Variants in CDKAL1 observed in about 807,000 individuals in gnomAD.
CDKAL1 encodes CDKAL1 threonylcarbamoyladenosine tRNA methylthiotransferase.
A neutral mutation model predicts 68.2 loss-of-function variants in CDKAL1; 32 were observed. The observed-to-expected ratio is 0.47, with a 90% confidence interval of 0.35 to 0.63. CDKAL1 has a LOEUF of 0.63. Ranked by LOEUF, CDKAL1 falls within the 30% of genes least tolerant of loss-of-function variation. CDKAL1 has a pLI of 0.00. For synonymous variants in CDKAL1, 234 were observed against 244.3 expected, an observed-to-expected ratio of 0.96 and a Z score of 0.39; for missense variants, 606 against 696.7, an observed-to-expected ratio of 0.87 and a Z score of 1.47.
chr6:20,620,030 T>C (rs1767105806), intron 4 of CDKAL1, among the ~76,000 whole-genome samples: 1 of 152,206 alleles, frequency 6.6e-6, no homozygotes, highest in Non-Finnish European at 1.5e-5. Context: ...AGGTAAATTA[T>C]CTGTGCAAGC....
intron 8 of CDKAL1, among the ~76,000 whole-genome samples, chr6:20,841,876 A>C (rs1166556979): frequency 6.6e-6 from 1 of 152,190 alleles, no homozygotes; most frequent in Admixed American, 6.5e-5. Context: ...AACCTGTGCA[A>C]AGATTAGTAG....
chr6:20,558,406 A>G (rs955729678), intron 4 of CDKAL1: 2 of 400,962 alleles, frequency 5.0e-6, no homozygotes, highest in African/African-American at 4.1e-5. Context: ...GGGGTGATAA[A>G]TTAATTTGGA....
chr6:20,905,632 A>G (rs1305640979), intron 9 of CDKAL1, among the ~76,000 whole-genome samples: 1 of 152,188 alleles, frequency 6.6e-6, no homozygotes, highest in Non-Finnish European at 1.5e-5. Context: ...ACCCACATCG[A>G]GACACATTAT....
intron 5 of CDKAL1, among the ~76,000 whole-genome samples, chr6:20,690,435 G>A (rs1223670810): frequency 6.6e-6 from 1 of 151,968 alleles, no homozygotes; most frequent in Non-Finnish European, 1.5e-5. Context: ...AGCATTTTAC[G>A]AACTCCAGAC....
At chr6:20,656,455 C>A (rs1272136177) in intron 5 of CDKAL1, among the ~76,000 whole-genome samples, 6 of 150,910 alleles carry the variant, frequency 4.0e-5, no homozygotes, top group African/African-American at 1.5e-4. Context: ...ATGGTATTCA[C>A]CAGATGCTGT....
At chr6:21,004,322 T>G (rs962322878) in intron 11 of CDKAL1, among the ~76,000 whole-genome samples, 1 of 152,214 alleles carries the variant, frequency 6.6e-6, no homozygotes, top group African/African-American at 2.4e-5. Flanking sequence ...ATTATTCTCT[T>G]CAGTTGTTTG....
At chr6:20,609,552 C>T (rs1197038005) in intron 4 of CDKAL1, among the ~76,000 whole-genome samples, 6 of 151,642 alleles carry the variant, frequency 4.0e-5, no homozygotes, top group African/African-American at 9.7e-5. Flanking sequence ...TGCACCACCA[C>T]GCCCAGCTAA....
chr6:20,956,339 G>A (rs1764775322), intron 10 of CDKAL1, among the ~76,000 whole-genome samples: 1 of 152,154 alleles, frequency 6.6e-6, no homozygotes. Context: ...ATATGTCCAG[G>A]TAACTGTGGT....
At chr6:20,896,103 C>CTTTTCT (rs1554137251) in intron 9 of CDKAL1, among the ~76,000 whole-genome samples, 5 of 90,144 alleles carry the variant, frequency 5.5e-5, no homozygotes, top group Non-Finnish European at 1.1e-4. Context: ...CTTTTCTTTT[C>CTTTTCT]TTTTTTTTTT....
chr6:21,081,437 G>A (rs1406289438), intron 12 of CDKAL1, among the ~76,000 whole-genome samples: 1 of 151,866 alleles, frequency 6.6e-6, no homozygotes, highest in East Asian at 1.9e-4. Flanking sequence ...ATTCTTTTAT[G>A]CCTTTTATAT....
intron 10 of CDKAL1, among the ~76,000 whole-genome samples, chr6:20,989,071 C>T (rs893012179): frequency 2.0e-5 from 3 of 152,028 alleles, no homozygotes; most frequent in Non-Finnish European, 2.9e-5. Flanking sequence ...AGGGGTTATA[C>T]TACTCCCACA....
chr6:21,117,862 T>G (rs1774495627), intron 13 of CDKAL1, among the ~76,000 whole-genome samples: 2 of 152,132 alleles, frequency 1.3e-5, no homozygotes, highest in African/African-American at 2.4e-5. Context: ...CCTAATCCTA[T>G]CCTTGTATAT....
chr6:20,645,033 C>T (rs769154610), intron 4 of CDKAL1, among the ~76,000 whole-genome samples: 1 of 152,110 alleles, frequency 6.6e-6, no homozygotes, highest in Non-Finnish European at 1.5e-5. Flanking sequence ...ATACCGTAGG[C>T]ACTGCAGAGC....
In CDKAL1 at chr6:20,539,419, A is replaced by G. The variant is rs1175832088; in HGVS notation, c.-6+4025A>G. On this transcript the variant is annotated intron_variant, in intron 2 of 15. Transcript: ENST00000274695. This position sits in a 1 kb window ranked among gnomAD's most constrained non-coding sequence, Gnocchi z 4.3. The stretch of plus-strand genomic sequence containing the variant: ...AGATAAACAGTTAAAAAATTATTAA[A>G]ACATTTTAAGCAGATGATTAAATGC... 6.6e-6 allele frequency among the ~76,000 whole-genome samples: 1 copy of G among 152,176 alleles called. No individual in the cohort carries two copies. Among genetic ancestry groups the G allele is most frequent in the African/African-American group, 2.4e-5 (1 of 41,436 alleles).
chr6:20,833,860 G>T (rs1212665865), intron 8 of CDKAL1, among the ~76,000 whole-genome samples: 1 of 152,044 alleles, frequency 6.6e-6, no homozygotes, highest in Non-Finnish European at 1.5e-5. Flanking sequence ...TGCAAGGTTG[G>T]GTAGGAGAGA....
Position 21,191,992 on chromosome 6 carries a change from CTTTTTTT to C in CDKAL1, c.1300-5995_1300-5989del, listed in dbSNP as rs145894251. Among the ~76,000 whole-genome samples the C allele has an allele frequency of 2.8e-3, 96 of 34,428 alleles. 1 individual carries two copies. Among genetic ancestry groups the C allele is most frequent in the South Asian group, 4.2e-3 (3 of 722 alleles). 22.6% of individuals were successfully genotyped at this position (34,428 alleles called of 152,430 possible). ...AGGAATATTTTTATAATTCATTTTTCTTTTTTTTTTTTTTTTTTTTTTTTTTTTTTTT... is the reference window on the plus strand; with the variant it reads ...AGGAATATTTTTATAATTCATTTTTCTTTTTTTTTTTTTTTTTTTTTTTTT... On this transcript the variant is annotated intron_variant, in intron 13 of 15. Coordinates refer to ENST00000274695, the MANE Select transcript of CDKAL1 (RefSeq NM_017774.3).
At chr6:20,891,233 A>G (rs1352931626) in intron 9 of CDKAL1, among the ~76,000 whole-genome samples, 1 of 152,202 alleles carries the variant, frequency 6.6e-6, no homozygotes, top group African/African-American at 2.4e-5. Flanking sequence ...AGGTGTAATC[A>G]TGGCCCAGTG....
At chr6:20,836,954 T>G (rs1293958399) in intron 8 of CDKAL1, among the ~76,000 whole-genome samples, 2 of 152,170 alleles carry the variant, frequency 1.3e-5, no homozygotes, top group Admixed American at 1.3e-4. Flanking sequence ...AGTTCCCTCA[T>G]TTTCTCTCTC....
chr6:20,756,049 T>A (rs1304915265), intron 6 of CDKAL1: 1 of 152,146 alleles, frequency 6.6e-6, no homozygotes, highest in Non-Finnish European at 1.5e-5. Context: ...CCTAACCTCT[T>A]CTTTCAGGAG....
Sources: allele counts gnomAD v4.1 joint callset (sites outside exome capture counted in the v4.1 genomes callset), GRCh38; gene constraint gnomAD v4.1.1; non-coding constraint Gnocchi (gnomAD v3.1); transcripts MANE v1.5; gene names NCBI Gene and HGNC (gene_info 2026-07-23, HGNC 2026-07-21).